ATP8B3: variants seen among roughly 807,000 people sequenced by gnomAD.
The protein encoded by ATP8B3 is ATPase phospholipid transporting 8B3, also known as phospholipid-transporting ATPase IK.
ATP8B3 carries 141 observed loss-of-function variants against 140.9 expected under a neutral mutation model. The ratio of observed to expected loss-of-function variants is 1.00; its 90% CI spans 0.87 to 1.15. The LOEUF is 1.15. Among genes scored for constraint, ATP8B3 ranks in the 50% most tolerant of loss-of-function variants. The pLI, the probability that ATP8B3 is intolerant of heterozygous loss-of-function variation, is 0.00. For missense variants in ATP8B3, 1,874 were observed against 1,740.6 expected (o/e 1.08, Z -1.36); for synonymous variants, 765 against 714.6 (o/e 1.07, Z -1.13).
intron 25 of ATP8B3, among the ~76,000 whole-genome samples, chr19:1,785,990 G>A (rs548908267): frequency 6.6e-6 from 1 of 152,132 alleles, no homozygotes; most frequent in East Asian, 1.9e-4. Flanking sequence ...TAAAGGAGCT[G>A]GGTGTGGTGG....
chr19:1,789,758 G>A, intron 22 of ATP8B3, 31 bp from the exon 23 acceptor site: 1 of 1,540,024 alleles, frequency 6.5e-7, no homozygotes, highest in Non-Finnish European at 8.7e-7. Context: ...TGTGCCAGGC[G>A]CCGTGGCCTC....
intron 24 of ATP8B3, 75 bp downstream of exon 24, chr19:1,788,822 G>C (rs537827443): frequency 1.8e-4 from 256 of 1,386,330 alleles, no homozygotes; most frequent in Non-Finnish European, 2.4e-4. Context: ...GTCCAGGGCT[G>C]CTCCTGGCAG....
chr19:1,799,266 T>C (rs1341963243), intron 14 of ATP8B3: 2 of 151,586 alleles, frequency 1.3e-5, no homozygotes, highest in African/African-American at 4.9e-5. Context: ...GAGACCAGCC[T>C]GGGAAACAGG....
Position 1,782,697 on chromosome 19 carries a change from G to A in ATP8B3, c.*331C>T. 3.2e-6 allele frequency: 1 copy of A among 317,286 alleles called. No individual in the cohort carries two copies. The highest frequency in any genetic ancestry group is 4.3e-5 in the South Asian group (1 of 23,268). The allele number at this position is 317,286 out of a possible 1,614,324, so 19.7% of individuals were successfully genotyped here. On this transcript the variant is annotated 3_prime_UTR_variant, in exon 29 of 29. Coordinates refer to ENST00000310127, the MANE Select transcript of ATP8B3 (RefSeq NM_138813.4). ...TGTGGCTGGCTCTCAAATGACGACAGCTGGCTTTCTCTGTGCAACAGTGAT... is the reference window on the plus strand; with the variant it reads ...TGTGGCTGGCTCTCAAATGACGACAACTGGCTTTCTCTGTGCAACAGTGAT...
In ATP8B3 at chr19:1,782,865, G is replaced by T; in HGVS notation, c.*163C>A. On this transcript the variant is annotated 3_prime_UTR_variant, in exon 29 of 29. Transcript: ENST00000310127. ...TCAGATAGCCTGTTGCTGCTGGTGA[G>T]CACATATTTGGGGAGGGCAGGTTGG... The T allele has an allele frequency of 1.2e-6, 1 of 869,456 alleles. No homozygotes were observed. The highest frequency in any genetic ancestry group is 1.7e-6 in the Non-Finnish European group (1 of 576,658). 53.9% of individuals were successfully genotyped at this position (869,456 alleles called of 1,614,324 possible).
rs547170926 is a variant in ATP8B3 at position 1,792,113 on chromosome 19, C to A, written c.2078G>T (p.Arg693Leu). The A allele has an allele frequency of 4.9e-5, 77 of 1,578,066 alleles. No individual in the cohort carries two copies. Among genetic ancestry groups the A allele is most frequent in the Non-Finnish European group, 6.2e-5 (72 of 1,168,048 alleles). The part of the protein sequence containing the change: ...ALAAFAQETL[R>L]TLCLAYREVA... ...CTCCCTGTAGGCCAGGCACAGTGTCCGCAGGGTCTCCTGGGCAAAGGCCTG... is the reference window on the plus strand; with the variant it reads ...CTCCCTGTAGGCCAGGCACAGTGTCAGCAGGGTCTCCTGGGCAAAGGCCTG... Residue 693 changes from arginine to leucine, a missense_variant, in exon 19 of 29, where the codon CGG becomes CTG. Coordinates refer to ENST00000310127, the MANE Select transcript of ATP8B3 (RefSeq NM_138813.4).
chr19:1,810,761 C>T (rs1394930614), intron 2 of ATP8B3, 78 bp from the exon 3 acceptor site: 3 of 1,400,284 alleles, frequency 2.1e-6, no homozygotes, highest in African/African-American at 1.4e-5. Context: ...AAGGAGCTCA[C>T]AGCCTAGGGG....
chr19:1,811,796 G>A lies in ATP8B3; in HGVS notation c.-60C>T. 34 of 1,508,402 alleles carry A rather than the reference G, an allele frequency of 2.3e-5. No homozygotes were observed. The highest frequency in any genetic ancestry group is 2.0e-4 in the Middle Eastern group (1 of 5,108). The allele number at this position is 1,508,402 out of a possible 1,614,324, so 93.4% of individuals were successfully genotyped here. A position where few individuals can be genotyped will look rare whatever the true frequency, so the allele number is the denominator to read the frequency against. On this transcript the variant is annotated 5_prime_UTR_variant, in exon 2 of 29. Transcript: ENST00000310127. Reference sequence around the variant, plus strand: ...GAGGGGTTTAGGCTGTGGGACGGGGGAGAGGTGGGGGAGACCCCCGTGGGG... The same window carrying A: ...GAGGGGTTTAGGCTGTGGGACGGGGAAGAGGTGGGGGAGACCCCCGTGGGG...
chr19:1,802,047 A>G lies in ATP8B3; in HGVS notation c.1064-3T>C. The G allele has an allele frequency of 6.2e-7, 1 of 1,607,870 alleles. No homozygotes were observed. The highest frequency in any genetic ancestry group is 8.5e-7 in the Non-Finnish European group (1 of 1,178,112). On this transcript the variant is annotated splice_polypyrimidine_tract_variant and splice_region_variant and intron_variant, in intron 11 of 28. Transcript: ENST00000310127. ...CTTCATAATTTTTGTGTCAAAACCT[A>G]CAAACATGTATCCATCTATCCACCC...
Position 1,800,333 on chromosome 19 carries a change from G to A in ATP8B3, c.1269C>T (p.Ala423=), listed in dbSNP as rs764393722. ...TCCAGAAGACGAAGAAGGACTCTGC[G>A]GCCACGCTGCTCCCATGCACCCCCG... is the stretch of plus-strand genomic sequence containing the variant. ...YLSGVHGSSV[A]AESFFVFWSF... Residue 423 remains alanine, a synonymous_variant, in exon 13 of 29, where the codon GCC becomes GCT. Transcript: ENST00000310127. The surrounding 1 kb of genome is among the most constrained non-coding windows in gnomAD (Gnocchi z 4.4). 8.7e-6 allele frequency: 14 copies of A among 1,612,934 alleles called. No homozygotes were observed. Among genetic ancestry groups the A allele is most frequent in the East Asian group, 2.2e-5 (1 of 44,874 alleles).
Position 1,792,144 on chromosome 19 carries a change from C to T in ATP8B3, c.2056-9G>A, listed in dbSNP as rs756156718. On this transcript the variant is annotated splice_polypyrimidine_tract_variant and intron_variant, in intron 18 of 28. Transcript: ENST00000310127. Reference sequence around the variant, plus strand: ...GTCTCCTGGGCAAAGGCCTGGGGGCCGGGCAGGTGGAAGCTGTCACCATGC... The same window carrying T: ...GTCTCCTGGGCAAAGGCCTGGGGGCTGGGCAGGTGGAAGCTGTCACCATGC... 42 of 1,565,772 alleles carry T rather than the reference C, an allele frequency of 2.7e-5. 1 individual carries two copies. Among genetic ancestry groups the T allele is most frequent in the Middle Eastern group, 1.9e-4 (1 of 5,276 alleles).
Position 1,790,837 on chromosome 19 carries a change from G to T in ATP8B3, c.2303-5C>A. 1 of 1,594,448 alleles carries T rather than the reference G, an allele frequency of 6.3e-7. No individual in the cohort carries two copies. The highest frequency in any genetic ancestry group is 8.5e-7 in the Non-Finnish European group (1 of 1,172,232). ...AGCCGATGTTCACAGCCGTTTCTGC[G>T]AAGCAGACCAGCTCAGCGCCTCTGC... On this transcript the variant is annotated splice_polypyrimidine_tract_variant and splice_region_variant and intron_variant, in intron 20 of 28. Coordinates refer to ENST00000310127, the MANE Select transcript of ATP8B3 (RefSeq NM_138813.4).
chr19:1,797,048 C>A (rs1410324148), intron 14 of ATP8B3, 43 bp from the exon 15 acceptor site: 3 of 1,612,350 alleles, frequency 1.9e-6, no homozygotes, highest in Non-Finnish European at 2.5e-6. Flanking sequence ...CCACAGGCCC[C>A]CCATTCGGGA....
Position 1,800,523 on chromosome 19 carries a change from C to T in ATP8B3, c.1153-74G>A, listed in dbSNP as rs369462842. 3 of 1,368,688 alleles carry T rather than the reference C, an allele frequency of 2.2e-6. No homozygotes were observed. The highest frequency in any genetic ancestry group is 3.8e-5 in the Admixed American group (2 of 52,432). The allele number at this position is 1,368,688 out of a possible 1,614,324, so 84.8% of individuals were successfully genotyped here. A position where few individuals can be genotyped will look rare whatever the true frequency, so the allele number is the denominator to read the frequency against. ...CTCTGCCATCAGGATGGGGTAAACA[C>T]AAAGATAAGGCTGGGGCTGGGCACA... On this transcript the variant is annotated intron_variant, in intron 12 of 28. Coordinates refer to ENST00000310127, the MANE Select transcript of ATP8B3 (RefSeq NM_138813.4). This position sits in a 1 kb window ranked among gnomAD's most constrained non-coding sequence, Gnocchi z 4.4.
In ATP8B3 at chr19:1,794,849, G is replaced by C. The variant is rs2068617313; in HGVS notation, c.2055+1026C>G. On this transcript the variant is annotated intron_variant, in intron 18 of 28. Coordinates refer to ENST00000310127, the MANE Select transcript of ATP8B3 (RefSeq NM_138813.4). This position sits in a 1 kb window ranked among gnomAD's most constrained non-coding sequence, Gnocchi z 4.8. Reference sequence around the variant, plus strand: ...GGGACAGAAAAAGCCTCAAATCCTGGGCCGAGGAGTTCGGGCTTCCCCCAC... The same window carrying C: ...GGGACAGAAAAAGCCTCAAATCCTGCGCCGAGGAGTTCGGGCTTCCCCCAC... Among the ~76,000 whole-genome samples, 2 of 152,274 alleles carry C rather than the reference G, an allele frequency of 1.3e-5. No homozygotes were observed. The highest frequency in any genetic ancestry group is 4.1e-4 in the South Asian group (2 of 4,828).
Position 1,800,145 on chromosome 19 carries a change from T to G in ATP8B3, c.1354A>C (p.Ile452Leu), listed in dbSNP as rs780228657. The G allele has an allele frequency of 6.4e-7, 1 of 1,558,092 alleles. No individual in the cohort carries two copies. Among genetic ancestry groups the G allele is most frequent in the South Asian group, 1.2e-5 (1 of 84,462 alleles). Residue 452 changes from isoleucine to leucine, a missense_variant, in exon 14 of 29, where the codon ATC becomes CTC. Physicochemically the swap from Ile to Leu is conservative, Grantham distance 5. This residue lies in a region of ATP8B3 where 1,032 missense variants were observed against 963.6 expected (regional missense o/e 1.07). Transcript: ENST00000310127. The surrounding 1 kb of genome is among the most constrained non-coding windows in gnomAD (Gnocchi z 4.4). ...ATGAAGACGCTGTTCCCCAGGTAGATGAACTCGGACCTGCAGAGGCACTCA... is the reference window on the plus strand; with the variant it reads ...ATGAAGACGCTGTTCCCCAGGTAGAGGAACTCGGACCTGCAGAGGCACTCA... ...PMSMFILSEF[I>L]YLGNSVFIDW... is the part of the protein sequence containing the mutation.
rs10526864 is a variant in ATP8B3 at position 1,795,784 on chromosome 19, TACACACACACACACACACAC to T, written c.2055+71_2055+90del. The T allele has an allele frequency of 5.7e-3, 5,100 of 894,232 alleles. 52 individuals carry two copies. Among genetic ancestry groups the T allele is most frequent in the Admixed American group, 0.04 (1,566 of 38,760 alleles). 55.4% of individuals were successfully genotyped at this position (894,232 alleles called of 1,614,324 possible). A position where few individuals can be genotyped will look rare whatever the true frequency, so the allele number is the denominator to read the frequency against. ...CCCTGCCTCCTCCTCCTCCTGTCCCTACACACACACACACACACACACACACACACACACACACACACACA... is the reference window on the plus strand; with the variant it reads ...CCCTGCCTCCTCCTCCTCCTGTCCCTACACACACACACACACACACACACA... On this transcript the variant is annotated intron_variant, in intron 18 of 28. Transcript: ENST00000310127.
In ATP8B3 at chr19:1,796,973, C is replaced by A. The variant is rs1390358816; in HGVS notation, c.1584+1G>T. On this transcript the variant is annotated splice_donor_variant, in intron 15 of 28. Coordinates refer to ENST00000310127, the MANE Select transcript of ATP8B3 (RefSeq NM_138813.4). LOFTEE classifies it high-confidence loss of function. ...CCGCGCTGCAAGCCAGGCAGGCTCACCTTAGGTCGGGTCGTGGCCTCTGAA... is the reference window on the plus strand; with the variant it reads ...CCGCGCTGCAAGCCAGGCAGGCTCAACTTAGGTCGGGTCGTGGCCTCTGAA... The A allele has an allele frequency of 3.7e-6, 6 of 1,612,888 alleles. No homozygotes were observed. Among genetic ancestry groups the A allele is most frequent in the Non-Finnish European group, 5.1e-6 (6 of 1,179,798 alleles).
Position 1,785,539 on chromosome 19 carries a change from G to A in ATP8B3, c.3323C>T (p.Ala1108Val), listed in dbSNP as rs761355309. 3.1e-6 allele frequency: 5 copies of A among 1,612,638 alleles called. No homozygotes were observed. The highest frequency in any genetic ancestry group is 1.3e-5 in the African/African-American group (1 of 75,058). ...AAAGGACTGGTGGTCGCTGAAGCTG[G>A]CGGGTCCCGCCGTGTCGCGGCTGAT... is the stretch of plus-strand genomic sequence containing the variant. ...LWISRDTAGP[A>V]SFSDHQSFAV... Residue 1108 changes from alanine (A) to valine (V), a missense_variant, in exon 26 of 29, where the codon GCC becomes GTC. Coordinates refer to ENST00000310127, the MANE Select transcript of ATP8B3 (RefSeq NM_138813.4).
Sources: gnomAD v4.1 joint callset for allele counts (sites outside exome capture counted in the v4.1 genomes callset) on GRCh38, gnomAD v4.1.1 for gene constraint, gnomAD v4.1.1 regional missense constraint, Gnocchi (gnomAD v3.1) non-coding constraint, MANE v1.5 for transcripts, NCBI Gene and HGNC (gene_info 2026-07-23, HGNC 2026-07-21) for gene names.